NALF1: variants seen among roughly 807,000 people sequenced by gnomAD.
NALF1 encodes NALCN channel auxiliary factor 1.
A neutral mutation model predicts 48.4 loss-of-function variants in NALF1; 3 were observed. That is an observed-to-expected ratio of 0.06 (90% CI 0.03 to 0.16). NALF1 has a LOEUF of 0.16. Ranked by LOEUF, NALF1 falls within the 10% of genes least tolerant of loss-of-function variation. The probability of loss-of-function intolerance (pLI) is 1.00; values close to 1 mark genes in which losing one functional copy is unlikely to be tolerated. For synonymous variants in NALF1, 262 were observed against 245.7 expected (o/e 1.07, Z -0.62); for missense variants, 526 against 571.5 (o/e 0.92, Z 0.81).
chr13:107,559,527 C>G (rs767787942), intron 1 of NALF1, among the ~76,000 whole-genome samples: 1 of 152,146 alleles, frequency 6.6e-6, no homozygotes, highest in African/African-American at 2.4e-5. Context: ...AGGAAGGGAA[C>G]CAGCTCAGGC....
At chr13:107,616,604 C>T (rs1428072769) in intron 1 of NALF1, among the ~76,000 whole-genome samples, 2 of 152,168 alleles carry the variant, frequency 1.3e-5, no homozygotes, top group Admixed American at 1.3e-4. Flanking sequence ...ATAACAAGAT[C>T]CTTACTCTTC....
intron 2 of NALF1, among the ~76,000 whole-genome samples, chr13:107,188,194 A>T (rs1879216016): frequency 6.6e-6 from 1 of 152,194 alleles, no homozygotes; most frequent in Non-Finnish European, 1.5e-5. Flanking sequence ...TGTTGACTTT[A>T]ATATCTCTTC....
chr13:107,569,484 A>C (rs1162283475), intron 1 of NALF1, among the ~76,000 whole-genome samples: 1 of 151,748 alleles, frequency 6.6e-6, no homozygotes, highest in East Asian at 1.9e-4. Context: ...AAAAAAAAAG[A>C]AAAAAAGGGC....
intron 1 of NALF1, among the ~76,000 whole-genome samples, chr13:107,461,685 T>C (rs1313360872): frequency 6.6e-6 from 1 of 152,238 alleles, no homozygotes; most frequent in East Asian, 1.9e-4. Flanking sequence ...CATGGTGCTG[T>C]CTTCTGCAAG....
chr13:107,767,296 C>A (rs1481056754), intron 1 of NALF1, among the ~76,000 whole-genome samples: 4 of 152,198 alleles, frequency 2.6e-5, no homozygotes, highest in African/African-American at 7.2e-5. Flanking sequence ...CTTCCTGTCA[C>A]TTGCCTCCAG....
chr13:107,863,752 A>T (rs948815398), intron 1 of NALF1, among the ~76,000 whole-genome samples: 3 of 152,218 alleles, frequency 2.0e-5, no homozygotes, highest in African/African-American at 7.2e-5. Flanking sequence ...TGATTATGTA[A>T]ATGATGTAAA....
At chr13:107,200,376 G>A (rs749066305) in intron 2 of NALF1, among the ~76,000 whole-genome samples, 7 of 152,126 alleles carry the variant, frequency 4.6e-5, no homozygotes, top group Admixed American at 1.3e-4. Context: ...CTCGGGGGGC[G>A]GTGGGAAACA....
chr13:107,805,211 T>C (rs1204906841), intron 1 of NALF1, among the ~76,000 whole-genome samples: 1 of 152,186 alleles, frequency 6.6e-6, no homozygotes, highest in African/African-American at 2.4e-5. Flanking sequence ...TTAAGTACAT[T>C]TTACTGTAAG....
At chr13:107,762,001 G>A (rs1341877660) in intron 1 of NALF1, among the ~76,000 whole-genome samples, 1 of 152,182 alleles carries the variant, frequency 6.6e-6, no homozygotes, top group African/African-American at 2.4e-5. Flanking sequence ...TATTATTGCT[G>A]TAATAAATAT....
chr13:107,254,155 G>A (rs1003379298), intron 1 of NALF1, among the ~76,000 whole-genome samples: 1 of 151,744 alleles, frequency 6.6e-6, no homozygotes. Context: ...CAAGACATTG[G>A]ACTTTTTATG....
intron 1 of NALF1, among the ~76,000 whole-genome samples, chr13:107,358,794 G>A (rs894148163): frequency 2.0e-5 from 3 of 152,030 alleles, no homozygotes; most frequent in African/African-American, 2.4e-5. Context: ...TGTTGATTTC[G>A]ATGAGTCCCA....
intron 1 of NALF1, among the ~76,000 whole-genome samples, chr13:107,669,601 G>C (rs964376934): frequency 6.6e-6 from 1 of 152,148 alleles, no homozygotes; most frequent in Non-Finnish European, 1.5e-5. Flanking sequence ...GAGCTTGTGT[G>C]AGCTCATCAC....
intron 2 of NALF1, among the ~76,000 whole-genome samples, chr13:107,195,617 C>G (rs1225817639): frequency 6.6e-6 from 1 of 152,204 alleles, no homozygotes; most frequent in Non-Finnish European, 1.5e-5. Context: ...AATTTGCCTA[C>G]TTCTGCAGAT....
At chr13:107,281,002 A>C (rs1332035241) in intron 1 of NALF1, among the ~76,000 whole-genome samples, 1 of 152,222 alleles carries the variant, frequency 6.6e-6, no homozygotes, top group East Asian at 1.9e-4. Flanking sequence ...ACTATGATGC[A>C]TGTCTATCTT....
intron 1 of NALF1, among the ~76,000 whole-genome samples, chr13:107,326,544 T>C (rs9520387): frequency 0.79 from 120,472 of 151,950 alleles, 48,103 homozygotes; most frequent in Non-Finnish European, 0.85. Flanking sequence ...AAGGAACTGG[T>C]CTACACATAG....
At chr13:107,579,071 T>C (rs2762210) in intron 1 of NALF1, among the ~76,000 whole-genome samples, 150,334 of 152,334 alleles carry the variant, frequency 0.99, 74,212 homozygotes, top group Middle Eastern at 1. Context: ...CATGCTAACA[T>C]TCCATAATCA....
chr13:107,793,116 T>C (rs1878302713), intron 1 of NALF1, among the ~76,000 whole-genome samples: 1 of 152,194 alleles, frequency 6.6e-6, no homozygotes, highest in Non-Finnish European at 1.5e-5. Context: ...ATAACTTATA[T>C]AGTTTGACAT....
chr13:107,354,076 C>T (rs1402758723), intron 1 of NALF1, among the ~76,000 whole-genome samples: 1 of 152,170 alleles, frequency 6.6e-6, no homozygotes, highest in Non-Finnish European at 1.5e-5. Flanking sequence ...CCCTCAACAT[C>T]AAAGCCCTAA....
intron 2 of NALF1, among the ~76,000 whole-genome samples, chr13:107,178,693 C>G (rs999633030): frequency 6.6e-6 from 1 of 152,142 alleles, no homozygotes; most frequent in African/African-American, 2.4e-5. Flanking sequence ...CACCTAATCC[C>G]AGCACTTTGG....
Sources: gnomAD v4.1 joint callset for allele counts (sites outside exome capture counted in the v4.1 genomes callset) on GRCh38, gnomAD v4.1.1 for gene constraint, MANE v1.5 for transcripts, NCBI Gene and HGNC (gene_info 2026-07-23, HGNC 2026-07-21) for gene names.